TACC1: variants seen among roughly 807,000 people sequenced by gnomAD.
The protein encoded by TACC1 is transforming acidic coiled-coil-containing protein 1.
A neutral mutation model predicts 84.4 loss-of-function variants in TACC1; 48 were observed. The observed-to-expected ratio is 0.57, with a 90% confidence interval of 0.45 to 0.72. TACC1 has a LOEUF of 0.72. Among genes scored for constraint, TACC1 ranks in the 30% least tolerant of loss-of-function variants. TACC1 has a pLI of 0.00. For synonymous variants in TACC1, 372 were observed against 376.3 expected (o/e 0.99, Z 0.13); for missense variants, 920 against 973.0 (o/e 0.95, Z 0.72).
intron 3 of TACC1, among the ~76,000 whole-genome samples, chr8:38,769,102 T>A (rs556692651): frequency 3.5e-5 from 5 of 144,078 alleles, no homozygotes; most frequent in Non-Finnish European, 4.6e-5. Flanking sequence ...TGTGTGTGTG[T>A]GAGAGACTGT....
chr8:38,758,261 C>T (rs1810497408), intron 3 of TACC1, among the ~76,000 whole-genome samples: 2 of 152,132 alleles, frequency 1.3e-5, no homozygotes, highest in South Asian at 2.1e-4. Flanking sequence ...GCCTGGACCG[C>T]GGGAGGGCTT....
chr8:38,744,119 C>G (rs375057693), intron 2 of TACC1: 1 of 152,072 alleles, frequency 6.6e-6, no homozygotes, highest in Non-Finnish European at 1.5e-5. Flanking sequence ...CTAATGCACT[C>G]GACAGGTCTT....
intron 2 of TACC1, among the ~76,000 whole-genome samples, chr8:38,815,860 G>C (rs1232352165): frequency 2.0e-5 from 3 of 151,824 alleles, no homozygotes; most frequent in African/African-American, 7.3e-5. Context: ...GGATGTGGTG[G>C]CATGCACCTG....
At chr8:38,810,688 CTT>C (rs1283762720) in intron 2 of TACC1, among the ~76,000 whole-genome samples, 7 of 152,064 alleles carry the variant, frequency 4.6e-5, no homozygotes, top group Non-Finnish European at 1.0e-4. Flanking sequence ...ATGGATATCA[CTT>C]ATTATTATGT....
intron 2 of TACC1, among the ~76,000 whole-genome samples, chr8:38,792,584 G>A (rs1818938196): frequency 6.6e-6 from 1 of 152,162 alleles, no homozygotes; most frequent in Non-Finnish European, 1.5e-5. Context: ...TTCTGCCTCA[G>A]CCTCCCAAGT....
chr8:38,748,877 T>G (rs2151728696), intron 3 of TACC1, among the ~76,000 whole-genome samples: 1 of 150,376 alleles, frequency 6.6e-6, no homozygotes, highest in East Asian at 1.9e-4. Context: ...TTTTCACTGT[T>G]AAAAAATAGA....
At chr8:38,745,825 T>C (rs1013960720) in intron 3 of TACC1, among the ~76,000 whole-genome samples, 1 of 152,124 alleles carries the variant, frequency 6.6e-6, no homozygotes, top group African/African-American at 2.4e-5. Context: ...ATTACAGGCA[T>C]GAGCCACCGC....
intron 2 of TACC1, among the ~76,000 whole-genome samples, chr8:38,803,920 A>G (rs1445963747): frequency 1.3e-5 from 2 of 152,308 alleles, no homozygotes; most frequent in East Asian, 1.9e-4. Context: ...TAAATTTACC[A>G]GTTTAATCTC....
chr8:38,749,088 G>A (rs13252226), intron 3 of TACC1, among the ~76,000 whole-genome samples: 30,148 of 151,894 alleles, frequency 0.2, 3,442 homozygotes, highest in African/African-American at 0.31. Context: ...TCAAGAATGA[G>A]AGAAGGGACA....
intron 2 of TACC1, among the ~76,000 whole-genome samples, chr8:38,811,248 CTCCAACT>C (rs1824053877): frequency 9.9e-4 from 1 of 1,008 alleles, no homozygotes; most frequent in Non-Finnish European, 0.071. Flanking sequence ...CATGGCCCCA[CTCCAACT>C]AGTCCCCAAG....
In TACC1 at chr8:38,822,063, C is replaced by T. The variant is rs190207196; in HGVS notation, c.1391+1428C>T. Among the ~76,000 whole-genome samples the T allele has an allele frequency of 8.7e-4, 132 of 151,934 alleles. 1 individual carries two copies. Among genetic ancestry groups the T allele is most frequent in the Non-Finnish European group, 2.8e-4 (19 of 67,944 alleles). On this transcript the variant is annotated intron_variant, in intron 3 of 12. Coordinates refer to ENST00000317827, the MANE Select transcript of TACC1 (RefSeq NM_006283.3). ...TAGTGAGACACCCCCCCACACACAC[C>T]GATTCCCTGTCTCTTAAAAAAATTT...
intron 2 of TACC1, among the ~76,000 whole-genome samples, chr8:38,813,372 C>T (rs113951504): frequency 4.6e-5 from 7 of 152,210 alleles, no homozygotes; most frequent in African/African-American, 7.2e-5. Context: ...CTTAGAGTTT[C>T]GACAGATTTG....
chr8:38,840,938 A>G (rs770316040), intron 9 of TACC1, among the ~76,000 whole-genome samples: 1 of 152,102 alleles, frequency 6.6e-6, no homozygotes, highest in Non-Finnish European at 1.5e-5. Flanking sequence ...AATCCCAGCT[A>G]CTCGGGAGGC....
intron 3 of TACC1, among the ~76,000 whole-genome samples, chr8:38,762,896 A>C (rs148825895): frequency 2.0e-4 from 31 of 152,174 alleles, no homozygotes; most frequent in African/African-American, 6.7e-4. Flanking sequence ...ATCGTTATAC[A>C]AGTACGTGTG....
At chr8:38,769,905 T>C (rs765625572) in intron 3 of TACC1, among the ~76,000 whole-genome samples, 2 of 147,684 alleles carry the variant, frequency 1.4e-5, no homozygotes, top group Non-Finnish European at 3.0e-5. Context: ...TGAGGGTGTG[T>C]GGTGTGTGTG....
At chr8:38,839,446 T>G (rs1454715411) in intron 8 of TACC1, 1 of 378,208 alleles carries the variant, frequency 2.6e-6, no homozygotes, top group Non-Finnish European at 4.7e-6. Flanking sequence ...ACATTTTAAG[T>G]ATATCCCTCT....
At chr8:38,828,287 T>G (rs370531442) in intron 5 of TACC1, among the ~76,000 whole-genome samples, 110 of 152,322 alleles carry the variant, frequency 7.2e-4, no homozygotes, top group African/African-American at 2.4e-3. Context: ...GTTAAGTGAC[T>G]TGATTAAAGT....
chr8:38,837,458 A>T lies in TACC1; in HGVS notation c.1840-1012A>T, dbSNP rs1159703666. ...AAAATAAAATAAAAGACAAGATCTC[A>T]CTCTGTCACCCAGGCTGAGTGCAGT... On this transcript the variant is annotated intron_variant, in intron 7 of 12. Transcript: ENST00000317827. Among the ~76,000 whole-genome samples, 4 of 151,906 alleles carry T rather than the reference A, an allele frequency of 2.6e-5. No individual in the cohort carries two copies. In the East Asian group the frequency reaches 7.7e-4, roughly 29 times the overall value.
At chr8:38,792,496 C>T (rs776613534) in intron 2 of TACC1, among the ~76,000 whole-genome samples, 1 of 151,836 alleles carries the variant, frequency 6.6e-6, no homozygotes, top group East Asian at 1.9e-4. Context: ...GATAGAGTCT[C>T]GCTCTGTTGC....
Sources: allele counts gnomAD v4.1 joint callset (sites outside exome capture counted in the v4.1 genomes callset), GRCh38; gene constraint gnomAD v4.1.1; transcripts MANE v1.5; gene names NCBI Gene and HGNC (gene_info 2026-07-23, HGNC 2026-07-21).